The following GOLPH3 variants were observed in gnomAD, a reference collection of about 807,000 sequenced individuals.
GOLPH3 encodes golgi phosphoprotein 3.
GOLPH3 carries 14 observed loss-of-function variants against 28.5 expected under a neutral mutation model. The observed-to-expected ratio is 0.49, with a 90% CI of 0.32 to 0.77. The LOEUF is 0.77. GOLPH3 is among the 30% of genes least tolerant of loss of function. The pLI, the probability that GOLPH3 is intolerant of heterozygous loss-of-function variation, is 0.03. For missense variants in GOLPH3, 350 were observed against 393.7 expected, an observed-to-expected ratio of 0.89 and a Z score of 0.94; for synonymous variants, 158 against 159.2, an observed-to-expected ratio of 0.99 and a Z score of 0.06.
intron 1 of GOLPH3, among the ~76,000 whole-genome samples, chr5:32,147,720 A>T (rs1229791445): frequency 6.6e-6 from 1 of 152,192 alleles, no homozygotes; most frequent in Non-Finnish European, 1.5e-5. Context: ...GGCAATAGTT[A>T]TGATAGTGGC....
At chr5:32,131,539 C>T (rs1243268809) in intron 3 of GOLPH3, among the ~76,000 whole-genome samples, 1 of 152,170 alleles carries the variant, frequency 6.6e-6, no homozygotes, top group Admixed American at 6.5e-5. Flanking sequence ...ATGAATAGTT[C>T]TTGAATTCTA....
At chr5:32,136,219 C>T (rs539408327) in intron 2 of GOLPH3, among the ~76,000 whole-genome samples, 54 of 152,208 alleles carry the variant, frequency 3.5e-4, no homozygotes, top group African/African-American at 1.3e-3. Flanking sequence ...GTGGCTCACT[C>T]CTGTAATCCC....
intron 1 of GOLPH3, among the ~76,000 whole-genome samples, chr5:32,171,895 C>T (rs982789034): frequency 2.6e-5 from 4 of 151,778 alleles, no homozygotes; most frequent in Admixed American, 2.0e-4. Context: ...TTGCAGTGAG[C>T]CCAGATGGCG....
At chr5:32,167,765 G>A (rs1746748577) in intron 1 of GOLPH3, among the ~76,000 whole-genome samples, 1 of 152,058 alleles carries the variant, frequency 6.6e-6, no homozygotes, top group Admixed American at 6.6e-5. Context: ...AGGCAACATA[G>A]TGAGACCACG....
chr5:32,146,126 C>T (rs1253648881), intron 1 of GOLPH3, among the ~76,000 whole-genome samples: 2 of 151,856 alleles, frequency 1.3e-5, no homozygotes, highest in African/African-American at 2.4e-5. Flanking sequence ...CCCATCTCTA[C>T]AAAAAATACA....
chr5:32,170,340 C>T (rs947218252), intron 1 of GOLPH3, among the ~76,000 whole-genome samples: 10 of 152,164 alleles, frequency 6.6e-5, no homozygotes, highest in African/African-American at 2.4e-4. Flanking sequence ...CTGTTTCTTG[C>T]TCTAGGTACT....
chr5:32,137,638 G>A (rs1188772996), intron 2 of GOLPH3, among the ~76,000 whole-genome samples: 2 of 152,092 alleles, frequency 1.3e-5, no homozygotes, highest in Admixed American at 6.5e-5. Context: ...CAGCCTGGGC[G>A]ACAAGAGCAA....
intron 1 of GOLPH3, among the ~76,000 whole-genome samples, chr5:32,150,436 A>T (rs1430587006): frequency 6.6e-6 from 1 of 151,268 alleles, no homozygotes; most frequent in Admixed American, 6.6e-5. Flanking sequence ...AAAAAAAAAA[A>T]TAGCCAGGAA....
intron 1 of GOLPH3, among the ~76,000 whole-genome samples, chr5:32,167,320 C>T (rs1404328945): frequency 1.3e-5 from 2 of 151,972 alleles, no homozygotes; most frequent in Admixed American, 6.6e-5. Context: ...TACAGGTGCT[C>T]GCCACCATGT....
At chr5:32,167,756 G>T (rs900547518) in intron 1 of GOLPH3, among the ~76,000 whole-genome samples, 1 of 152,028 alleles carries the variant, frequency 6.6e-6, no homozygotes, top group African/African-American at 2.4e-5. Flanking sequence ...TTCGAGACTA[G>T]GCAACATAGT....
chr5:32,128,010 G>A (rs537156148), intron 3 of GOLPH3, among the ~76,000 whole-genome samples: 1 of 152,140 alleles, frequency 6.6e-6, no homozygotes, highest in East Asian at 1.9e-4. Context: ...GCAGAGATCA[G>A]AGTTCAGGGT....
At chr5:32,138,328 G>A (rs1157260134) in intron 2 of GOLPH3, among the ~76,000 whole-genome samples, 1 of 152,068 alleles carries the variant, frequency 6.6e-6, no homozygotes, top group African/African-American at 2.4e-5. Flanking sequence ...GTGACATCAT[G>A]ACCAGCAGAA....
At chr5:32,173,583 A>G (rs1337954227) in intron 1 of GOLPH3, among the ~76,000 whole-genome samples, 1 of 152,114 alleles carries the variant, frequency 6.6e-6, no homozygotes, top group African/African-American at 2.4e-5. Flanking sequence ...GGTAAGGAAA[A>G]ATCCAAGCCA....
Position 32,156,489 on chromosome 5 carries a change from C to A in GOLPH3, c.226-12609G>T, listed in dbSNP as rs1479071666. 2.7e-5 allele frequency among the ~76,000 whole-genome samples: 4 copies of A among 149,064 alleles called. No individual in the cohort carries two copies. The South Asian group carries it at 8.6e-4, about 32-fold the overall frequency. ...CTGCACTCCAGCCTGGGTGACAGAG[C>A]GAGATTCTGTCTCAAAAAAAAAAAA... On this transcript the variant is annotated intron_variant, in intron 1 of 3. Transcript: ENST00000265070.
At chr5:32,153,094 T>C (rs1374364152) in intron 1 of GOLPH3, among the ~76,000 whole-genome samples, 1 of 152,210 alleles carries the variant, frequency 6.6e-6, no homozygotes, top group African/African-American at 2.4e-5. Flanking sequence ...AATAAGGGAC[T>C]GGATGAATAT....
intron 3 of GOLPH3, among the ~76,000 whole-genome samples, chr5:32,127,603 T>C (rs527560710): frequency 1.7e-4 from 26 of 152,330 alleles, no homozygotes; most frequent in Admixed American, 4.6e-4. Context: ...TAGTGACGTA[T>C]GGCCAGTGGC....
At chr5:32,173,335 TGAA>T (rs770125032) in intron 1 of GOLPH3, among the ~76,000 whole-genome samples, 27 of 151,252 alleles carry the variant, frequency 1.8e-4, no homozygotes, top group Admixed American at 2.6e-4. Flanking sequence ...AAGCTTTAAC[TGAA>T]GAAGAAGAAA....
chr5:32,149,602 C>A (rs1746260163), intron 1 of GOLPH3, among the ~76,000 whole-genome samples: 1 of 152,094 alleles, frequency 6.6e-6, no homozygotes, highest in Non-Finnish European at 1.5e-5. Flanking sequence ...TCAAAAAGTT[C>A]TTGACAAAAA....
chr5:32,142,760 CGGCCGCCCCT>C (rs1746104469), intron 2 of GOLPH3, among the ~76,000 whole-genome samples: 1 of 148,752 alleles, frequency 6.7e-6, no homozygotes, highest in African/African-American at 2.5e-5. Context: ...CGCCTCTGCC[CGGCCGCCCCT>C]ACTGGGAAGT....
Sources: allele counts gnomAD v4.1 joint callset (sites outside exome capture counted in the v4.1 genomes callset), GRCh38; gene constraint gnomAD v4.1.1; transcripts MANE v1.5; gene names NCBI Gene and HGNC (gene_info 2026-07-23, HGNC 2026-07-21).